DSCAML1: variants seen among roughly 807,000 people sequenced by gnomAD.
DSCAML1 encodes cell adhesion molecule DSCAML1.
A neutral mutation model predicts 200.5 loss-of-function variants in DSCAML1; 38 were observed. The ratio of observed to expected loss-of-function variants is 0.19; its 90% CI spans 0.15 to 0.25. The LOEUF is 0.25. DSCAML1 is among the 10% of genes least tolerant of loss of function. DSCAML1 has a pLI of 1.00. For missense variants in DSCAML1, 2,223 were observed against 2,858.8 expected (o/e 0.78, Z 5.07); for synonymous variants, 1,215 against 1,165.0 (o/e 1.04, Z -0.87).
At chr11:117,562,270 C>G (rs1431324720) in intron 3 of DSCAML1, among the ~76,000 whole-genome samples, 2 of 152,128 alleles carry the variant, frequency 1.3e-5, no homozygotes, top group Non-Finnish European at 1.5e-5. Context: ...AGGGAGCCCC[C>G]CAAGCCTCTC....
chr11:117,551,700 G>A (rs1591256211), intron 3 of DSCAML1, among the ~76,000 whole-genome samples: 1 of 152,168 alleles, frequency 6.6e-6, no homozygotes, highest in East Asian at 1.9e-4. Flanking sequence ...TTGGGGAAAG[G>A]GGGTCTGGAG....
At chr11:117,542,958 C>T (rs1257334182) in intron 3 of DSCAML1, among the ~76,000 whole-genome samples, 3 of 152,208 alleles carry the variant, frequency 2.0e-5, no homozygotes, top group South Asian at 2.1e-4. Context: ...ACCCCTTCCC[C>T]GTGAGGTGGA....
chr11:117,608,384 C>T (rs1436538545), intron 3 of DSCAML1, among the ~76,000 whole-genome samples: 2 of 152,042 alleles, frequency 1.3e-5, no homozygotes, highest in Non-Finnish European at 1.5e-5. Flanking sequence ...AGAATTGAAA[C>T]CCACAATCCA....
At chr11:117,470,546 T>C (rs1704571610) in intron 15 of DSCAML1, among the ~76,000 whole-genome samples, 1 of 152,140 alleles carries the variant, frequency 6.6e-6, no homozygotes, top group Non-Finnish European at 1.5e-5. Flanking sequence ...GGAGAGAAAA[T>C]TGGCACAACA....
At chr11:117,573,969 T>C (rs997382827) in intron 3 of DSCAML1, among the ~76,000 whole-genome samples, 2 of 152,190 alleles carry the variant, frequency 1.3e-5, no homozygotes, top group African/African-American at 4.8e-5. Flanking sequence ...AAGGCTGTTC[T>C]CTGCTTCCCC....
chr11:117,765,499 C>T (rs1169531150), intron 3 of DSCAML1, among the ~76,000 whole-genome samples: 1 of 152,122 alleles, frequency 6.6e-6, no homozygotes, highest in Non-Finnish European at 1.5e-5. Context: ...AGTGTCTGCC[C>T]TCCTAAATGC....
At chr11:117,581,680 C>G (rs2051043471) in intron 3 of DSCAML1, among the ~76,000 whole-genome samples, 1 of 152,184 alleles carries the variant, frequency 6.6e-6, no homozygotes, top group Non-Finnish European at 1.5e-5. Context: ...ATTCTCAAGA[C>G]ACCTCTGAGT....
rs559040214 is a variant in DSCAML1 at position 117,758,495 on chromosome 11, G to A, written c.511+18296C>T. 4.4e-3 allele frequency among the ~76,000 whole-genome samples: 661 copies of A among 151,728 alleles called. 4 individuals are homozygous for A. Among genetic ancestry groups the A allele is most frequent in the Middle Eastern group, 6.8e-3 (2 of 294 alleles). On this transcript the variant is annotated intron_variant, in intron 3 of 32. Transcript: ENST00000651296. ...CGGCTCACTGCAAGCTCTGCCTCCC[G>A]GGTTCACGCCATTCTCCTGCCTCAG...
chr11:117,447,683 G>C (rs1016483707), intron 20 of DSCAML1, among the ~76,000 whole-genome samples: 1 of 152,188 alleles, frequency 6.6e-6, no homozygotes, highest in South Asian at 2.1e-4. Flanking sequence ...CTAGAGCCAA[G>C]GCCATACACA....
intron 3 of DSCAML1, among the ~76,000 whole-genome samples, chr11:117,587,463 T>A (rs1026135551): frequency 6.6e-6 from 1 of 151,992 alleles, no homozygotes; most frequent in Non-Finnish European, 1.5e-5. Context: ...ACACCAGTGT[T>A]CTCTGTCATC....
intron 3 of DSCAML1, among the ~76,000 whole-genome samples, chr11:117,615,854 G>A (rs1040743190): frequency 2.6e-5 from 4 of 152,162 alleles, no homozygotes; most frequent in Non-Finnish European, 5.9e-5. Flanking sequence ...TTCAGTTGTT[G>A]AGTGTCACTT....
At chr11:117,572,609 C>A (rs1455053727) in intron 3 of DSCAML1, among the ~76,000 whole-genome samples, 2 of 152,152 alleles carry the variant, frequency 1.3e-5, no homozygotes, top group African/African-American at 4.8e-5. Flanking sequence ...GCAAATAGTG[C>A]TCAATAAGTA....
rs532235021 is a variant in DSCAML1, at chr11:117,508,468, T to C, written c.1784-2736A>G. Reference sequence around the variant, plus strand: ...AAACATACGTCTCAATATCATTTCCTAGGGTGACCTCAGAAGTTCACCTGC... The same window carrying C: ...AAACATACGTCTCAATATCATTTCCCAGGGTGACCTCAGAAGTTCACCTGC... On this transcript the variant is annotated intron_variant, in intron 8 of 32. Coordinates refer to ENST00000651296, the MANE Select transcript of DSCAML1 (RefSeq NM_020693.4). 1.4e-3 allele frequency among the ~76,000 whole-genome samples: 214 copies of C among 151,686 alleles called. 1 individual carries two copies. The highest frequency in any genetic ancestry group is 5.0e-3 in the African/African-American group (205 of 41,348).
rs1266627009 is a variant in DSCAML1 at position 117,489,305 on chromosome 11, G to T, written c.2360-7143C>A. 6.6e-6 allele frequency among the ~76,000 whole-genome samples: 1 copy of T among 152,208 alleles called. No homozygotes were observed. The highest frequency in any genetic ancestry group is 1.5e-5 in the Non-Finnish European group (1 of 68,038). On this transcript the variant is annotated intron_variant, in intron 11 of 32. Coordinates refer to ENST00000651296, the MANE Select transcript of DSCAML1 (RefSeq NM_020693.4). This position sits in a 1 kb window ranked among gnomAD's most constrained non-coding sequence, Gnocchi z 4.8. ...AGCCGGGGTGGGGTATATGCACAGG[G>T]CTGGGTCCTGCGTGACAAATGCTAA...
intron 3 of DSCAML1, among the ~76,000 whole-genome samples, chr11:117,600,207 C>T (rs1565817913): frequency 1.3e-5 from 2 of 152,300 alleles, no homozygotes; most frequent in Middle Eastern, 3.4e-3. Context: ...CTTCCGTTGC[C>T]GGCGGGAGTT....
At chr11:117,739,120 C>T (rs1339816891) in intron 3 of DSCAML1, among the ~76,000 whole-genome samples, 1 of 152,094 alleles carries the variant, frequency 6.6e-6, no homozygotes. Context: ...GTTTCCATTG[C>T]CAATTGATAA....
chr11:117,696,398 A>G (rs2053587499), intron 3 of DSCAML1, among the ~76,000 whole-genome samples: 1 of 152,234 alleles, frequency 6.6e-6, no homozygotes, highest in South Asian at 2.1e-4. Flanking sequence ...GATTGAAGAA[A>G]AGCATTTGCA....
At chr11:117,465,352 C>G (rs1054193081) in intron 16 of DSCAML1, among the ~76,000 whole-genome samples, 170 bp from the exon 17 acceptor site, 1 of 152,154 alleles carries the variant, frequency 6.6e-6, no homozygotes, top group African/African-American at 2.4e-5. Flanking sequence ...CCTGTGTGAC[C>G]CGACCTCCCA....
rs775365936 is a variant in DSCAML1, at chr11:117,465,123, C to A, written c.3084G>T (p.Glu1028Asp). The A allele has an allele frequency of 1.9e-6, 3 of 1,614,020 alleles. No homozygotes were observed. The highest frequency in any genetic ancestry group is 2.5e-6 in the Non-Finnish European group (3 of 1,180,018). Reference protein sequence around the residue: ...VIRGYQIGYRENSPGSNGQYS... With the variant: ...VIRGYQIGYRDNSPGSNGQYS... ...ACTGCCCGTTGCTGCCGGGGCTGTT[C>A]TCTCTGTAGCCAATCTGGTAGCCCC... The change falls in exon 17 of 33, where the codon GAG becomes GAT. Residue 1028 changes from glutamate to aspartate, a missense_variant. Glu to Asp is a conservative substitution (Grantham distance 45, BLOSUM62 2). This residue lies in a region of DSCAML1 where 438 missense variants were observed against 629.7 expected (regional missense o/e 0.70). Coordinates refer to ENST00000651296, the MANE Select transcript of DSCAML1 (RefSeq NM_020693.4).
Sources: gnomAD v4.1 joint callset for allele counts (sites outside exome capture counted in the v4.1 genomes callset) on GRCh38, gnomAD v4.1.1 for gene constraint, gnomAD v4.1.1 regional missense constraint, Gnocchi (gnomAD v3.1) non-coding constraint, MANE v1.5 for transcripts, NCBI Gene and HGNC (gene_info 2026-07-23, HGNC 2026-07-21) for gene names.